TMTC1: variants seen among roughly 807,000 people sequenced by gnomAD.
TMTC1 encodes protein O-mannosyl-transferase TMTC1.
Under a neutral mutation model 104.8 loss-of-function variants are expected in TMTC1, and 73 were observed. That is an observed-to-expected ratio of 0.70 (90% CI 0.58 to 0.85). The LOEUF (loss-of-function observed/expected upper bound fraction) is 0.85, where lower values mean the gene tolerates loss of function less well. Ranked by LOEUF, TMTC1 falls within the 40% of genes least tolerant of loss-of-function variation. TMTC1 has a pLI of 0.00. For synonymous variants in TMTC1, 434 were observed against 428.7 expected (o/e 1.01, Z -0.15); for missense variants, 1,035 against 1,096.1 (o/e 0.94, Z 0.79).
At chr12:29,721,743 C>T (rs1942242201) in intron 5 of TMTC1, among the ~76,000 whole-genome samples, 1 of 151,970 alleles carries the variant, frequency 6.6e-6, no homozygotes, top group South Asian at 2.1e-4. Context: ...CCCTTTACAT[C>T]CTGAAAAACT....
chr12:29,556,715 T>C (rs1329202947), intron 10 of TMTC1, 142 bp downstream of exon 10: 1 of 941,718 alleles, frequency 1.1e-6, no homozygotes, highest in African/African-American at 1.7e-5. Context: ...TTGAGATGCA[T>C]GTTACACCCT....
At chr12:29,700,022 T>C (rs1459756988) in intron 5 of TMTC1, among the ~76,000 whole-genome samples, 1 of 151,958 alleles carries the variant, frequency 6.6e-6, no homozygotes, top group Non-Finnish European at 1.5e-5. Flanking sequence ...TCAGACAGTA[T>C]TTTTAATTTT....
At chr12:29,518,416 A>G in intron 13 of TMTC1, 56 bp downstream of exon 13, 1 of 1,586,164 alleles carries the variant, frequency 6.3e-7, no homozygotes, top group Non-Finnish European at 8.6e-7. Context: ...TAAGAAGCTG[A>G]TGAGTGATTG....
At chr12:29,528,188 T>G (rs1312316774) in intron 11 of TMTC1, among the ~76,000 whole-genome samples, 1 of 152,242 alleles carries the variant, frequency 6.6e-6, no homozygotes, top group Non-Finnish European at 1.5e-5. Context: ...AGCACTCATT[T>G]TCATTTAATT....
intron 17 of TMTC1, among the ~76,000 whole-genome samples, chr12:29,508,118 T>C (rs1943740724): frequency 1.3e-5 from 2 of 152,212 alleles, no homozygotes; most frequent in African/African-American, 4.8e-5. Flanking sequence ...ATCAATAGTG[T>C]CTATTTCTTA....
intron 5 of TMTC1, among the ~76,000 whole-genome samples, chr12:29,644,883 T>C (rs1194317319): frequency 2.0e-5 from 3 of 152,154 alleles, no homozygotes; most frequent in Non-Finnish European, 4.4e-5. Flanking sequence ...GAACTCCAAC[T>C]CCTCTGGATC....
chr12:29,775,809 T>C (rs1943694218), intron 1 of TMTC1, among the ~76,000 whole-genome samples: 1 of 152,032 alleles, frequency 6.6e-6, no homozygotes, highest in South Asian at 2.1e-4. Context: ...CCTCTAATCA[T>C]ATAATTGGTC....
At chr12:29,601,877 C>A (rs1054038225) in intron 7 of TMTC1, among the ~76,000 whole-genome samples, 3 of 150,506 alleles carry the variant, frequency 2.0e-5, no homozygotes, top group African/African-American at 7.4e-5. Context: ...TTGCAGTCTC[C>A]CAGGCTGGAG....
intron 5 of TMTC1, among the ~76,000 whole-genome samples, chr12:29,732,789 C>T (rs1048430860): frequency 7.2e-5 from 11 of 152,196 alleles, no homozygotes; most frequent in African/African-American, 2.4e-4. Context: ...TGGCAAACAA[C>T]GCCCATCACC....
At chr12:29,553,613 C>T (rs1789267311) in intron 10 of TMTC1, among the ~76,000 whole-genome samples, 1 of 152,084 alleles carries the variant, frequency 6.6e-6, no homozygotes, top group Non-Finnish European at 1.5e-5. Flanking sequence ...AAGTCTTATA[C>T]AAATGTAAAG....
At chr12:29,534,710 A>C (rs1397424663) in intron 11 of TMTC1, 2 of 152,238 alleles carry the variant, frequency 1.3e-5, no homozygotes, top group Non-Finnish European at 2.9e-5. Flanking sequence ...ACTAAAATAA[A>C]GTTCAACATC....
chr12:29,561,533 C>T (rs562376877), intron 9 of TMTC1, among the ~76,000 whole-genome samples: 164 of 152,284 alleles, frequency 1.1e-3, no homozygotes, highest in African/African-American at 3.7e-3. Context: ...GGATTAACAA[C>T]ACCCAGTAAG....
intron 4 of TMTC1, 142 bp downstream of exon 4, chr12:29,755,567 G>T: frequency 1.5e-6 from 1 of 669,350 alleles, no homozygotes; most frequent in Non-Finnish European, 2.5e-6. Context: ...AATGAAATAA[G>T]CCTTGTTGAT....
In TMTC1 at chr12:29,502,378, G is replaced by A. The variant is rs1943613172; in HGVS notation, c.*4468C>T. ...AAAAACAGATTCTAACAAGTACAAA[G>A]AAATAATTAACAAAAGCTCATGTGT... On this transcript the variant is annotated 3_prime_UTR_variant, in exon 18 of 18. Coordinates refer to ENST00000539277, the MANE Select transcript of TMTC1 (RefSeq NM_001193451.2). The A allele has an allele frequency of 7.0e-6, 1 of 142,838 alleles. No individual in the cohort carries two copies. 8.8% of individuals were successfully genotyped at this position (142,838 alleles called of 1,614,324 possible). A position where few individuals can be genotyped will look rare whatever the true frequency, so the allele number is the denominator to read the frequency against.
intron 5 of TMTC1, among the ~76,000 whole-genome samples, chr12:29,750,479 C>T (rs570168007): frequency 4.6e-5 from 7 of 152,210 alleles, no homozygotes; most frequent in Non-Finnish European, 7.3e-5. Context: ...TTTACCAGGA[C>T]ACTCCTGGTG....
intron 11 of TMTC1, among the ~76,000 whole-genome samples, chr12:29,530,761 C>T (rs185312025): frequency 1.5e-4 from 23 of 152,268 alleles, no homozygotes; most frequent in Non-Finnish European, 1.5e-4. Context: ...AAGTAAAGCT[C>T]TCCTTTCCAA....
At chr12:29,601,976 C>T (rs1002056139) in intron 7 of TMTC1, among the ~76,000 whole-genome samples, 17 of 151,322 alleles carry the variant, frequency 1.1e-4, no homozygotes, top group Non-Finnish European at 2.2e-4. Flanking sequence ...GCTAGGACTA[C>T]AGGCGCCCGC....
At chr12:29,753,529 GT>G (rs1329790958) in intron 4 of TMTC1, among the ~76,000 whole-genome samples, 2 of 152,232 alleles carry the variant, frequency 1.3e-5, no homozygotes, top group Non-Finnish European at 2.9e-5. Flanking sequence ...TTTCTCCTTT[GT>G]AAAATGAGGA....
At chr12:29,655,009 G>A (rs1056154905) in intron 5 of TMTC1, among the ~76,000 whole-genome samples, 1 of 152,072 alleles carries the variant, frequency 6.6e-6, no homozygotes, top group East Asian at 1.9e-4. Flanking sequence ...TCAGCCTCCT[G>A]AGTAGCTTGG....
Sources: allele counts gnomAD v4.1 joint callset (sites outside exome capture counted in the v4.1 genomes callset), GRCh38; gene constraint gnomAD v4.1.1; transcripts MANE v1.5; gene names NCBI Gene and HGNC (gene_info 2026-07-23, HGNC 2026-07-21).